The following MAGI2 variants were observed in gnomAD, a reference collection of about 807,000 sequenced individuals.
MAGI2 encodes membrane-associated guanylate kinase, WW and PDZ domain-containing protein 2.
MAGI2 carries 35 observed loss-of-function variants against 133.3 expected under a neutral mutation model. The ratio of observed to expected loss-of-function variants is 0.26; its 90% CI spans 0.20 to 0.35. The LOEUF (loss-of-function observed/expected upper bound fraction) is 0.35. Ranked by LOEUF, MAGI2 falls within the 10% of genes least tolerant of loss-of-function variation. MAGI2 has a pLI of 1.00. For missense variants in MAGI2, 1,636 were observed against 1,863.4 expected (o/e 0.88, Z 2.25); for synonymous variants, 729 against 710.6 (o/e 1.03, Z -0.41).
intron 21 of MAGI2, among the ~76,000 whole-genome samples, chr7:78,056,053 C>T (rs1467440219): frequency 2.0e-5 from 3 of 152,152 alleles, no homozygotes; most frequent in Admixed American, 2.0e-4. Context: ...AAAACTGAAA[C>T]TCTATATCCA....
At chr7:78,516,612 C>T (rs1796066342) in intron 4 of MAGI2, among the ~76,000 whole-genome samples, 2 of 152,184 alleles carry the variant, frequency 1.3e-5, no homozygotes. Context: ...CTCAGCCCCA[C>T]AAAGTGCTGG....
At chr7:78,745,331 T>A (rs1822825393) in intron 2 of MAGI2, among the ~76,000 whole-genome samples, 1 of 152,170 alleles carries the variant, frequency 6.6e-6, no homozygotes, top group African/African-American at 2.4e-5. Flanking sequence ...TTTCCCACAG[T>A]ACCAGTGAAA....
At chr7:78,737,259 A>G (rs10808167) in intron 2 of MAGI2, among the ~76,000 whole-genome samples, 74,161 of 152,014 alleles carry the variant, frequency 0.49, 18,558 homozygotes, top group Non-Finnish European at 0.54. Flanking sequence ...TAACTGTTAT[A>G]AATGTGTCAA....
chr7:79,168,909 T>TAG (rs1446922792), intron 1 of MAGI2, among the ~76,000 whole-genome samples: 2 of 9,948 alleles, frequency 2.0e-4, no homozygotes, highest in African/African-American at 3.4e-4. Context: ...TATATATATA[T>TAG]ATATATATAT....
chr7:78,087,171 A>G (rs1482138400), intron 20 of MAGI2, among the ~76,000 whole-genome samples: 2 of 152,220 alleles, frequency 1.3e-5, no homozygotes, highest in Non-Finnish European at 2.9e-5. Flanking sequence ...TTTGCCAATA[A>G]TATTGTAAGC....
chr7:79,403,444 A>G (rs549360280), intron 1 of MAGI2, among the ~76,000 whole-genome samples: 8 of 151,926 alleles, frequency 5.3e-5, no homozygotes, highest in Non-Finnish European at 8.8e-5. Flanking sequence ...CTTTTTTTTT[A>G]AAAAAGAAAA....
chr7:78,549,486 C>T (rs535746130), intron 3 of MAGI2, among the ~76,000 whole-genome samples: 2 of 152,140 alleles, frequency 1.3e-5, no homozygotes, highest in Non-Finnish European at 2.9e-5. Flanking sequence ...GTCCTACTGC[C>T]TTGAGCTCTC....
chr7:78,675,929 G>C (rs1814974879), intron 2 of MAGI2, among the ~76,000 whole-genome samples: 1 of 152,086 alleles, frequency 6.6e-6, no homozygotes, highest in Non-Finnish European at 1.5e-5. Flanking sequence ...TTAAACAAGA[G>C]ATTATTTTAC....
At chr7:78,481,149 T>C (rs1053020837) in intron 6 of MAGI2, among the ~76,000 whole-genome samples, 2 of 151,956 alleles carry the variant, frequency 1.3e-5, no homozygotes, top group Non-Finnish European at 1.5e-5. Flanking sequence ...ATCACTGTAT[T>C]AGTCTGTTCT....
intron 1 of MAGI2, among the ~76,000 whole-genome samples, chr7:79,079,239 C>G (rs897172624): frequency 2.0e-5 from 3 of 152,152 alleles, no homozygotes; most frequent in African/African-American, 7.2e-5. Flanking sequence ...TAATGTGCAT[C>G]CAAGTGCTGT....
At chr7:78,508,837 C>T (rs1037967814) in intron 4 of MAGI2, among the ~76,000 whole-genome samples, 34 of 150,954 alleles carry the variant, frequency 2.3e-4, no homozygotes, top group Non-Finnish European at 4.1e-4. Context: ...TCCTTTTTGA[C>T]TTTTAAGATG....
chr7:79,332,487 C>CT (rs1177250808), intron 1 of MAGI2, among the ~76,000 whole-genome samples: 4 of 152,116 alleles, frequency 2.6e-5, no homozygotes, highest in Admixed American at 1.3e-4. Context: ...ATTTACCATC[C>CT]TTATTGCCCT....
chr7:78,588,854 T>G (rs1803691834), intron 3 of MAGI2, among the ~76,000 whole-genome samples: 1 of 152,158 alleles, frequency 6.6e-6, no homozygotes. Flanking sequence ...AAGATAGGAT[T>G]TTAGAGCTGA....
intron 1 of MAGI2, among the ~76,000 whole-genome samples, chr7:79,114,703 A>G (rs1177587920): frequency 6.6e-6 from 1 of 152,162 alleles, no homozygotes; most frequent in African/African-American, 2.4e-5. Flanking sequence ...GGTACTCATG[A>G]TACATACCAT....
chr7:78,799,436 T>C (rs1356074080), intron 2 of MAGI2, among the ~76,000 whole-genome samples: 2 of 152,158 alleles, frequency 1.3e-5, no homozygotes, highest in Non-Finnish European at 2.9e-5. Flanking sequence ...TACTTATTAA[T>C]GAGAATATTT....
chr7:78,070,218 T>TACACACACAC (rs374567182), intron 21 of MAGI2, among the ~76,000 whole-genome samples: 257 of 52,044 alleles, frequency 4.9e-3, no homozygotes, highest in East Asian at 0.015. Flanking sequence ...TATATATATA[T>TACACACACAC]ACACACACAC....
chr7:78,999,039 C>G (rs1303402535), intron 2 of MAGI2, among the ~76,000 whole-genome samples: 1 of 152,106 alleles, frequency 6.6e-6, no homozygotes, highest in African/African-American at 2.4e-5. Context: ...AGAACTCTCT[C>G]CCCATTTATT....
At chr7:79,118,752 C>T (rs740967) in intron 1 of MAGI2, among the ~76,000 whole-genome samples, 106,912 of 151,844 alleles carry the variant, frequency 0.7, 39,471 homozygotes, top group Non-Finnish European at 0.83. Flanking sequence ...TACCCATATC[C>T]CTCATGACCT....
intron 16 of MAGI2, among the ~76,000 whole-genome samples, chr7:78,151,145 G>A (rs1453009096): frequency 6.6e-6 from 1 of 150,650 alleles, no homozygotes; most frequent in Non-Finnish European, 1.5e-5. Flanking sequence ...AGGCGGCCAG[G>A]TTGTAATTTG....
Sources: allele counts gnomAD v4.1 joint callset (sites outside exome capture counted in the v4.1 genomes callset), GRCh38; gene constraint gnomAD v4.1.1; transcripts MANE v1.5; gene names NCBI Gene and HGNC (gene_info 2026-07-23, HGNC 2026-07-21).